The following SEC31A variants were observed in gnomAD, a reference collection of about 807,000 sequenced individuals.
SEC31A encodes the protein protein transport protein Sec31A.
In SEC31A, 70 loss-of-function variants were observed where a neutral mutation model predicts 151.0. The ratio of observed to expected loss-of-function variants is 0.46; its 90% CI spans 0.38 to 0.57. The LOEUF (loss-of-function observed/expected upper bound fraction) is 0.57, where lower values mean the gene tolerates loss of function less well. SEC31A is among the 20% of genes least tolerant of loss of function. SEC31A has a pLI of 0.00. For synonymous variants in SEC31A, 475 were observed against 505.9 expected (o/e 0.94, Z 0.82); for missense variants, 1,330 against 1,471.2 (o/e 0.90, Z 1.57).
At chr4:82,886,642 T>C (rs2125916529) in intron 1 of SEC31A, among the ~76,000 whole-genome samples, 1 of 152,324 alleles carries the variant, frequency 6.6e-6, no homozygotes, top group African/African-American at 2.4e-5. Flanking sequence ...GCCAACTGTC[T>C]CACCTGATCT....
Position 82,881,875 on chromosome 4 carries a change from G to C in SEC31A, c.62C>G (p.Pro21Arg), listed in dbSNP as rs762946466. ...MQAWSPAQNH[P>R]IYLATGTSAQ... is the part of the protein sequence containing the mutation. Reference sequence around the variant, plus strand: ...GAACTTACCTGTTGCTAGGTAAATGGGGTGATTCTGGGCAGGGCTCCATGC... The same window carrying C: ...GAACTTACCTGTTGCTAGGTAAATGCGGTGATTCTGGGCAGGGCTCCATGC... Residue 21 changes from proline to arginine, a missense_variant, in exon 2 of 27, where the codon CCC becomes CGC. Pro to Arg is a moderately radical substitution (Grantham distance 103, BLOSUM62 -2). Coordinates refer to ENST00000395310, the MANE Select transcript of SEC31A (RefSeq NM_001077207.4). The C allele has an allele frequency of 6.2e-7, 1 of 1,613,668 alleles. No individual in the cohort carries two copies. The highest frequency in any genetic ancestry group is 2.2e-5 in the East Asian group (1 of 44,892).
chr4:82,871,637 G>A (rs910663097), intron 7 of SEC31A: 10 of 540,004 alleles, frequency 1.9e-5, no homozygotes, highest in Non-Finnish European at 2.6e-5. Context: ...TTAGCTGGGC[G>A]TGGTGGCGCA....
At chr4:82,844,818 T>A (rs1228574277) in intron 20 of SEC31A, among the ~76,000 whole-genome samples, 2 of 152,202 alleles carry the variant, frequency 1.3e-5, no homozygotes, top group Non-Finnish European at 2.9e-5. Flanking sequence ...TTCCATCCAC[T>A]ACTCCACTCT....
At position 82,853,501 on chromosome 4, in the gene SEC31A, A is replaced by C. The variant is rs749892418; in HGVS notation, c.2154+69T>G. On this transcript the variant is annotated intron_variant, in intron 18 of 26. Transcript: ENST00000395310. ...TATAGAAAAAATGAACTTATAGATT[A>C]TAACTTGATGATAAGTAGGGTGAAA... 7.5e-4 allele frequency: 982 copies of C among 1,303,276 alleles called. 3 individuals carry two copies. Among genetic ancestry groups the C allele is most frequent in the Non-Finnish European group, 9.6e-4 (924 of 959,560 alleles). The allele number at this position is 1,303,276 out of a possible 1,614,324, so 80.7% of individuals were successfully genotyped here.
rs923298926 is a variant in SEC31A at position 82,871,939 on chromosome 4, G to A, written c.782+5C>T. 3.2e-5 allele frequency: 52 copies of A among 1,613,886 alleles called. 1 individual carries two copies. The highest frequency in any genetic ancestry group is 6.7e-5 in the East Asian group (3 of 44,888). On this transcript the variant is annotated splice_donor_5th_base_variant and intron_variant, in intron 7 of 26. Coordinates refer to ENST00000395310, the MANE Select transcript of SEC31A (RefSeq NM_001077207.4). ...ATCAAGTTCTTTGTAACAGCAGCAC[G>A]ATACCTGGCATGGTTTTCCAGGACA...
At chr4:82,900,552 G>A (rs1010606106), upstream of SEC31A, 6 of 534,344 alleles carry the variant, frequency 1.1e-5, no homozygotes, top group African/African-American at 8.0e-5. Context: ...CAACGCGGAG[G>A]GAGGAGCGGT....
rs770484401 is a variant in SEC31A at position 82,851,555 on chromosome 4, T to C, written c.2204A>G (p.Gln735Arg). The change falls in exon 19 of 27, where the codon CAA (glutamine) becomes CGA (arginine). Residue 735 changes from glutamine (Q) to arginine (R), a missense_variant. Gln to Arg is a conservative substitution (Grantham distance 43). Coordinates refer to ENST00000395310, the MANE Select transcript of SEC31A (RefSeq NM_001077207.4). Reference sequence around the variant, plus strand: ...TCCTACAGTACTAGTGTCCATGGCTTGAGTGAGTTGCACAGCTTTTCGCAG... The same window carrying C: ...TCCTACAGTACTAGTGTCCATGGCTCGAGTGAGTTGCACAGCTTTTCGCAG... ...VILRKAVQLT[Q>R]AMDTSTVGVL... is the part of the protein sequence containing the mutation. 15 of 1,613,288 alleles carry C rather than the reference T, an allele frequency of 9.3e-6. No homozygotes were observed. The South Asian group carries it at 1.5e-4, about 17-fold the overall frequency.
At chr4:82,862,434 AC>A in intron 13 of SEC31A, 99 bp downstream of exon 13, 1 of 776,786 alleles carries the variant, frequency 1.3e-6, no homozygotes, top group Non-Finnish European at 2.2e-6. Context: ...TTATTTTTAT[AC>A]CATAAAGCAT....
At chr4:82,878,622 C>T in intron 4 of SEC31A, 108 bp downstream of exon 4, 1 of 866,428 alleles carries the variant, frequency 1.2e-6, no homozygotes, top group South Asian at 1.7e-5. Context: ...ACCTGTATAG[C>T]CACAGTTTTT....
chr4:82,894,576 A>T (rs1719982034), upstream of SEC31A: 2 of 152,230 alleles, frequency 1.3e-5, no homozygotes, highest in South Asian at 4.1e-4. Context: ...TTTTTCTCAC[A>T]AACTGATGTG....
chr4:82,881,989 T>G, intron 1 of SEC31A, 49 bp from the exon 2 acceptor site: 2 of 1,364,448 alleles, frequency 1.5e-6, no homozygotes, highest in South Asian at 2.3e-5. Context: ...CTTGAATGTC[T>G]AACACAGAAC....
At position 82,827,469 on chromosome 4, in the gene SEC31A, T is replaced by C. The variant is rs1168196647; in HGVS notation, c.3191A>G (p.His1064Arg). 1.9e-6 allele frequency: 3 copies of C among 1,614,180 alleles called. No individual in the cohort carries two copies. Among genetic ancestry groups the C allele is most frequent in the Non-Finnish European group, 2.5e-6 (3 of 1,180,034 alleles). ...TTGACCAAGAGGTTGCTGTACGCCATGGAAGGGCTGGCCACCTGGAAGATG... is the reference window on the plus strand; with the variant it reads ...TTGACCAAGAGGTTGCTGTACGCCACGGAAGGGCTGGCCACCTGGAAGATG... ...QPHLPGGQPF[H>R]GVQQPLGQTG... The change falls in exon 24 of 27, where the codon CAT (histidine) becomes CGT (arginine). Residue 1064 changes from histidine to arginine, a missense_variant. Transcript: ENST00000395310.
chr4:82,891,177 A>G (rs1248125557), upstream of SEC31A: 1 of 1,535,152 alleles, frequency 6.5e-7, no homozygotes, highest in Non-Finnish European at 8.7e-7. Flanking sequence ...CTCCCCGGCC[A>G]GGGCCACCTC....
chr4:82,881,766 T>C, intron 2 of SEC31A, 92 bp downstream of exon 2: 2 of 965,650 alleles, frequency 2.1e-6, no homozygotes, highest in Non-Finnish European at 3.3e-6. Flanking sequence ...AGAGAGAGGC[T>C]TTCTAGAGAA....
intron 5 of SEC31A, 68 bp from the exon 6 acceptor site, chr4:82,874,819 T>C: frequency 1.3e-6 from 2 of 1,543,362 alleles, no homozygotes; most frequent in East Asian, 2.3e-5. Context: ...ACTGTAAAAT[T>C]GGATCCTTCA....
chr4:82,826,753 G>C (rs1465024024), intron 24 of SEC31A, among the ~76,000 whole-genome samples: 1 of 152,254 alleles, frequency 6.6e-6, no homozygotes, highest in Non-Finnish European at 1.5e-5. Context: ...ACAGACAGTA[G>C]AACTAGTTTT....
At chr4:82,869,376 C>T (rs914676800) in intron 8 of SEC31A, among the ~76,000 whole-genome samples, 9 of 151,726 alleles carry the variant, frequency 5.9e-5, no homozygotes, top group South Asian at 2.1e-4. Flanking sequence ...GTGCTCTGCC[C>T]GCCTCAGCCT....
At chr4:82,870,032 A>G (rs910577436) in intron 8 of SEC31A, among the ~76,000 whole-genome samples, 1 of 152,212 alleles carries the variant, frequency 6.6e-6, no homozygotes, top group Non-Finnish European at 1.5e-5. Flanking sequence ...CATAAACCAC[A>G]TGTGAAATAA....
chr4:82,857,869 T>C, intron 14 of SEC31A, 105 bp from the exon 15 acceptor site: 1 of 669,374 alleles, frequency 1.5e-6, no homozygotes, highest in Non-Finnish European at 2.6e-6. Context: ...GTAGATGACA[T>C]ACCAAGTTAT....
Sources: gnomAD v4.1 joint callset for allele counts (sites outside exome capture counted in the v4.1 genomes callset) on GRCh38, gnomAD v4.1.1 for gene constraint, MANE v1.5 for transcripts, NCBI Gene and HGNC (gene_info 2026-07-23, HGNC 2026-07-21) for gene names.